Variants in EPHA2 observed in about 807,000 individuals in gnomAD.
The protein encoded by EPHA2 is ephrin type-A receptor 2.
A neutral mutation model predicts 104.9 loss-of-function variants in EPHA2; 54 were observed. That is an observed-to-expected ratio of 0.51 (90% CI 0.41 to 0.65). EPHA2 has a LOEUF of 0.65. Ranked by LOEUF, EPHA2 falls within the 30% of genes least tolerant of loss-of-function variation. EPHA2 has a pLI of 0.00. For missense variants in EPHA2, 1,117 were observed against 1,369.5 expected (o/e 0.82, Z 2.91); for synonymous variants, 560 against 559.1 (o/e 1.00, Z -0.02).
rs762021717 is a variant in EPHA2, at chr1:16,148,482, C to G, written c.719G>C (p.Gly240Ala). 3.1e-6 allele frequency: 5 copies of G among 1,613,570 alleles called. No individual in the cohort carries two copies. Among genetic ancestry groups the G allele is most frequent in the Admixed American group, 1.7e-5 (1 of 60,016 alleles). ...TGCACAGTGCATACGGGGCTCTTCA[C>G]CCCCCGGTGGCACCACGGCATGGTC... is the stretch of plus-strand genomic sequence containing the variant. Reference protein sequence around the residue: ...CVDHAVVPPGGEEPRMHCAVD... With the variant: ...CVDHAVVPPGAEEPRMHCAVD... Residue 240 changes from glycine (G) to alanine (A), a missense_variant, in exon 3 of 17, where the codon GGT (glycine) becomes GCT (alanine). By Grantham distance (60) the Gly-to-Ala change is moderately conservative (BLOSUM62 0). Coordinates refer to ENST00000358432, the MANE Select transcript of EPHA2 (RefSeq NM_004431.5). This position sits in a 1 kb window ranked among gnomAD's most constrained non-coding sequence, Gnocchi z 4.9.
At chr1:16,141,575 G>A (rs1221893111) in intron 3 of EPHA2, among the ~76,000 whole-genome samples, 1 of 152,230 alleles carries the variant, frequency 6.6e-6, no homozygotes, top group Non-Finnish European at 1.5e-5. Flanking sequence ...AAGCTCGGGG[G>A]CGTTCCCAGC....
At chr1:16,146,020 C>T (rs1459617850) in intron 3 of EPHA2, among the ~76,000 whole-genome samples, 1 of 152,226 alleles carries the variant, frequency 6.6e-6, no homozygotes, top group South Asian at 2.1e-4. Flanking sequence ...GGACGACACC[C>T]GTCTACGGTA....
In EPHA2 at chr1:16,155,833, G is replaced by T; in HGVS notation, c.85+15C>A. The T allele has an allele frequency of 7.0e-7, 1 of 1,419,638 alleles. No homozygotes were observed. The allele number at this position is 1,419,638 out of a possible 1,614,324, so 87.9% of individuals were successfully genotyped here. ...GGGCCCGGGGGCCAGGGGTCCAGAC[G>T]CCGCGCGCACTCACCTTCCTTGCCC... On this transcript the variant is annotated intron_variant, in intron 1 of 16. Coordinates refer to ENST00000358432, the MANE Select transcript of EPHA2 (RefSeq NM_004431.5).
rs1358749725 is a variant in EPHA2, at chr1:16,128,735, G to A, written c.2825+699C>T. Among the ~76,000 whole-genome samples, 3 of 152,196 alleles carry A rather than the reference G, an allele frequency of 2.0e-5. No homozygotes were observed. Among genetic ancestry groups the A allele is most frequent in the Non-Finnish European group, 2.9e-5 (2 of 68,044 alleles). On this transcript the variant is annotated intron_variant, in intron 16 of 16. Transcript: ENST00000358432. The surrounding 1 kb of genome is among the most constrained non-coding windows in gnomAD (Gnocchi z 4.7). ...TTGGGAAGGGGAGAAGAGCTGCCAA[G>A]GGGCAGCTTGACAAAGGGGCAAACC...
intron 16 of EPHA2, 90 bp downstream of exon 16, chr1:16,129,344 G>A (rs1026309487): frequency 1.4e-6 from 2 of 1,459,332 alleles, no homozygotes; most frequent in Non-Finnish European, 1.9e-6. Flanking sequence ...GGAGCATTGA[G>A]GGGCAGGGAA....
intron 5 of EPHA2, among the ~76,000 whole-genome samples, chr1:16,136,681 AAAG>A (rs1292566913): frequency 3.2e-5 from 3 of 95,086 alleles, no homozygotes; most frequent in Non-Finnish European, 5.4e-5. Context: ...AAAGAAGAAG[AAAG>A]AAGAAGAGGA....
At chr1:16,149,420 C>G (rs1298363914) in intron 2 of EPHA2, among the ~76,000 whole-genome samples, 1 of 152,242 alleles carries the variant, frequency 6.6e-6, no homozygotes, top group African/African-American at 2.4e-5. Flanking sequence ...AATGTCTACA[C>G]TGGCTGAACA....
At chr1:16,142,820 G>A (rs563540698) in intron 3 of EPHA2, among the ~76,000 whole-genome samples, 118 of 150,126 alleles carry the variant, frequency 7.9e-4, no homozygotes, top group African/African-American at 2.7e-3. Flanking sequence ...GATGCGGGAT[G>A]GATAGGTGGA....
chr1:16,142,912 GGGT>G (rs1368965469), intron 3 of EPHA2, among the ~76,000 whole-genome samples: 1 of 150,340 alleles, frequency 6.7e-6, no homozygotes, highest in African/African-American at 2.5e-5. Flanking sequence ...GTGGGTTGGT[GGGT>G]GGACGGATGG....
At position 16,131,026 on chromosome 1, in the gene EPHA2, C is replaced by T. The variant is rs572365376; in HGVS notation, c.2476-607G>A. ...CCATCTCTCTTCCCCTCCCTCTCAT[C>T]TGGCTGCCTTACAGTGCCCTTGGTC... On this transcript the variant is annotated intron_variant, in intron 14 of 16. Coordinates refer to ENST00000358432, the MANE Select transcript of EPHA2 (RefSeq NM_004431.5). The surrounding 1 kb of genome is among the most constrained non-coding windows in gnomAD (Gnocchi z 5.2). Among the ~76,000 whole-genome samples the T allele has an allele frequency of 6.6e-6, 1 of 152,242 alleles. No homozygotes were observed. The highest frequency in any genetic ancestry group is 2.1e-4 in the South Asian group (1 of 4,830).
In EPHA2 at chr1:16,133,968, C is replaced by T. The variant is rs368232890; in HGVS notation, c.1683-53G>A. On this transcript the variant is annotated intron_variant, in intron 8 of 16. Coordinates refer to ENST00000358432, the MANE Select transcript of EPHA2 (RefSeq NM_004431.5). ...GCAGGGAGGTCAGTGAGGTCTGCTC[C>T]GGCCAGGGAAGCCTCCTGGCCCTAC... 3,220 of 1,535,824 alleles carry T rather than the reference C, an allele frequency of 2.1e-3. 9 individuals are homozygous for T. Among genetic ancestry groups the T allele is most frequent in the Non-Finnish European group, 2.7e-3 (3,046 of 1,136,072 alleles).
At position 16,130,343 on chromosome 1, in the gene EPHA2, A is replaced by C. The variant is rs1329771468; in HGVS notation, c.2552T>G (p.Met851Arg). 3 of 1,592,950 alleles carry C rather than the reference A, an allele frequency of 1.9e-6. No individual in the cohort carries two copies. The highest frequency in any genetic ancestry group is 2.6e-6 in the Non-Finnish European group (3 of 1,164,728). The stretch of plus-strand genomic sequence containing the variant: ...GGCACGCTCCTGCTGCCAGCACTGC[A>C]TCATGAGCTGGTAGATGGCGGAGGG... ...DCPSAIYQLM[M>R]QCWQQERARR... Residue 851 changes from methionine to arginine, a missense_variant, in exon 15 of 17, where the codon ATG (methionine) becomes AGG (arginine). This residue lies in a region of EPHA2 where 340 missense variants were observed against 480.5 expected (regional missense o/e 0.71). Coordinates refer to ENST00000358432, the MANE Select transcript of EPHA2 (RefSeq NM_004431.5). This position sits in a 1 kb window ranked among gnomAD's most constrained non-coding sequence, Gnocchi z 4.5.
At chr1:16,142,887 T>C (rs1039745290) in intron 3 of EPHA2, among the ~76,000 whole-genome samples, 2 of 134,768 alleles carry the variant, frequency 1.5e-5, no homozygotes, top group African/African-American at 5.7e-5. Context: ...GACAGATGAA[T>C]GGACAAGTGG....
intron 5 of EPHA2, among the ~76,000 whole-genome samples, chr1:16,136,661 GAAAAGAAGAAAAGAAGAAGA>G (rs1349182663): frequency 4.9e-5 from 5 of 101,344 alleles, no homozygotes; most frequent in Admixed American, 3.9e-4. Context: ...GAAAGAAGAA[GAAAAGAAGAAAAGAAGAAGA>G]AAGAAGAAGA....
intron 1 of EPHA2, among the ~76,000 whole-genome samples, chr1:16,151,303 G>A (rs1232587474): frequency 1.3e-5 from 2 of 152,142 alleles, no homozygotes; most frequent in Admixed American, 1.3e-4. Flanking sequence ...ACAGCAGCTG[G>A]GCAGAGAGCT....
intron 16 of EPHA2, among the ~76,000 whole-genome samples, chr1:16,127,235 G>A (rs1224177942): frequency 1.3e-5 from 2 of 152,130 alleles, no homozygotes; most frequent in Admixed American, 1.3e-4. Context: ...TATGCCAAGG[G>A]CACTGGAGAC....
At chr1:16,145,340 C>CCGGGCAG (rs1346638830) in intron 3 of EPHA2, among the ~76,000 whole-genome samples, 1 of 152,242 alleles carries the variant, frequency 6.6e-6, no homozygotes, top group Non-Finnish European at 1.5e-5. Context: ...TGGGAGCGCT[C>CCGGGCAG]CGGGCAGCGT....
intron 3 of EPHA2, among the ~76,000 whole-genome samples, chr1:16,139,942 G>A (rs1248837454): frequency 1.3e-5 from 2 of 152,162 alleles, no homozygotes; most frequent in East Asian, 3.9e-4. Flanking sequence ...GGGACAACCT[G>A]GCCCCTAATG....
intron 3 of EPHA2, among the ~76,000 whole-genome samples, chr1:16,141,559 C>G (rs968231493): frequency 1.3e-5 from 2 of 152,232 alleles, no homozygotes; most frequent in Non-Finnish European, 2.9e-5. Context: ...GGCCAGCTGA[C>G]TTGGGAAGCT....
Sources: gnomAD v4.1 joint callset for allele counts (sites outside exome capture counted in the v4.1 genomes callset) on GRCh38, gnomAD v4.1.1 for gene constraint, gnomAD v4.1.1 regional missense constraint, Gnocchi (gnomAD v3.1) non-coding constraint, MANE v1.5 for transcripts, NCBI Gene and HGNC (gene_info 2026-07-23, HGNC 2026-07-21) for gene names.